The following ZNF148 variants were observed in gnomAD, a reference collection of about 807,000 sequenced individuals.
The protein encoded by ZNF148 is zinc finger protein 148, also known as Beta-Enolase Repressor Factor-1.
ZNF148 carries 7 observed loss-of-function variants against 67.7 expected under a neutral mutation model. The ratio of observed to expected loss-of-function variants is 0.10; its 90% CI spans 0.06 to 0.19. The LOEUF (loss-of-function observed/expected upper bound fraction) is 0.19, where lower values mean the gene tolerates loss of function less well. ZNF148 is among the 10% of genes least tolerant of loss of function. ZNF148 has a pLI of 1.00. For synonymous variants in ZNF148, 333 were observed against 330.7 expected, an observed-to-expected ratio of 1.01 and a Z score of -0.08; for missense variants, 583 against 947.1, an observed-to-expected ratio of 0.62 and a Z score of 5.05.
At chr3:125,293,951 A>T (rs1939152882) in intron 4 of ZNF148, among the ~76,000 whole-genome samples, 1 of 152,196 alleles carries the variant, frequency 6.6e-6, no homozygotes, top group South Asian at 2.1e-4. Flanking sequence ...TAAAGAAAAA[A>T]ACAGTAACTC....
At chr3:125,306,555 G>A (rs183202046) in intron 4 of ZNF148, among the ~76,000 whole-genome samples, 1 of 152,108 alleles carries the variant, frequency 6.6e-6, no homozygotes. Context: ...AAGAAAAAAT[G>A]TTTAGTATGA....
chr3:125,368,565 C>T (rs942798767), intron 1 of ZNF148, among the ~76,000 whole-genome samples: 3 of 152,220 alleles, frequency 2.0e-5, no homozygotes, highest in African/African-American at 7.2e-5. Flanking sequence ...TAACCTTCAG[C>T]ATTTCTAAAA....
At chr3:125,248,396 G>C (rs1305569409) in intron 7 of ZNF148, among the ~76,000 whole-genome samples, 1 of 152,016 alleles carries the variant, frequency 6.6e-6, no homozygotes, top group African/African-American at 2.4e-5. Context: ...AGCCCATAAT[G>C]GACTTACCAA....
chr3:125,246,506 C>G (rs1936604681), intron 7 of ZNF148, among the ~76,000 whole-genome samples: 1 of 84,012 alleles, frequency 1.2e-5, no homozygotes, highest in Non-Finnish European at 2.5e-5. Context: ...ATATTCTCAT[C>G]TGCAAAATGG....
intron 5 of ZNF148, 144 bp downstream of exon 5, chr3:125,287,959 C>A (rs1442570438): frequency 3.6e-6 from 4 of 1,110,322 alleles, no homozygotes; most frequent in Non-Finnish European, 5.1e-6. Context: ...AGGCCCACCA[C>A]CTCCATGCAG....
At chr3:125,250,388 C>T (rs1005531696) in intron 7 of ZNF148, among the ~76,000 whole-genome samples, 2 of 152,144 alleles carry the variant, frequency 1.3e-5, no homozygotes, top group African/African-American at 2.4e-5. Context: ...TGGGAATCAA[C>T]GCTGGCTGGC....
Position 125,232,571 on chromosome 3 carries a change from G to A in ZNF148, c.2155C>T (p.Pro719Ser). The A allele has an allele frequency of 6.2e-7, 1 of 1,613,790 alleles. No homozygotes were observed. Among genetic ancestry groups the A allele is most frequent in the South Asian group, 1.1e-5 (1 of 91,078 alleles). ...CTCATTTGGTAAGCTTGGTGGACAG[G>A]CTGGGCCTCAGCTTTCTTCTGAGAA... ...VTSQKKAEAQ[P>S]VHQAYQMSSF... is the part of the protein sequence containing the mutation. Residue 719 changes from proline to serine, a missense_variant, in exon 9 of 9, where the codon CCT (proline) becomes TCT (serine). Pro to Ser is a moderately conservative substitution (Grantham distance 74). This residue lies in a region of ZNF148 where 158 missense variants were observed against 208.4 expected (regional missense o/e 0.76). Coordinates refer to ENST00000360647, the MANE Select transcript of ZNF148 (RefSeq NM_021964.3). The surrounding 1 kb of genome is among the most constrained non-coding windows in gnomAD (Gnocchi z 4.2).
rs185201962 is a variant in ZNF148 at position 125,289,050 on chromosome 3, T to C, written c.334-822A>G. 5.3e-5 allele frequency among the ~76,000 whole-genome samples: 8 copies of C among 152,314 alleles called. No homozygotes were observed. The East Asian group carries it at 1.5e-3, about 29-fold the overall frequency. On this transcript the variant is annotated intron_variant, in intron 4 of 8. Transcript: ENST00000360647. ...CGTCAGTTCTCATCAGATTTGATGG[T>C]GTTCAGTCATCCCCTCCTCACTGCT...
chr3:125,237,766 G>C (rs1156829740), intron 7 of ZNF148, among the ~76,000 whole-genome samples: 1 of 152,096 alleles, frequency 6.6e-6, no homozygotes, highest in African/African-American at 2.4e-5. Context: ...TCCTCAAACT[G>C]ATCTACAGAT....
chr3:125,257,646 G>A (rs189151897), intron 7 of ZNF148, among the ~76,000 whole-genome samples: 2 of 150,806 alleles, frequency 1.3e-5, no homozygotes, highest in Admixed American at 1.3e-4. Context: ...GGTTATTTGT[G>A]GCAAATCCAC....
At chr3:125,372,890 C>A (rs371349713) in intron 1 of ZNF148, among the ~76,000 whole-genome samples, 1 of 151,936 alleles carries the variant, frequency 6.6e-6, no homozygotes, top group Admixed American at 6.6e-5. Context: ...TGCTTGAACC[C>A]GGGAGGTGGA....
At chr3:125,281,404 T>C (rs1938377019) in intron 5 of ZNF148, among the ~76,000 whole-genome samples, 1 of 152,210 alleles carries the variant, frequency 6.6e-6, no homozygotes, top group Admixed American at 6.5e-5. Flanking sequence ...AACAAAAAGA[T>C]GTTAAATACT....
chr3:125,341,846 T>G (rs919394119), intron 1 of ZNF148, among the ~76,000 whole-genome samples: 3 of 150,632 alleles, frequency 2.0e-5, no homozygotes, highest in Admixed American at 2.0e-4. Flanking sequence ...AATATAAAAA[T>G]TAGCCAGACA....
chr3:125,298,703 C>A (rs1049080157), intron 4 of ZNF148, among the ~76,000 whole-genome samples: 1 of 144,086 alleles, frequency 6.9e-6, no homozygotes. Context: ...CAGCTCACTG[C>A]AAGCCCCACC....
intron 4 of ZNF148, among the ~76,000 whole-genome samples, chr3:125,306,312 A>G (rs558686522): frequency 6.6e-6 from 1 of 152,298 alleles, no homozygotes; most frequent in South Asian, 2.1e-4. Flanking sequence ...AAAAATGAAC[A>G]AAAGTTAAAG....
chr3:125,261,048 G>C (rs1937312829), intron 7 of ZNF148, among the ~76,000 whole-genome samples: 1 of 152,116 alleles, frequency 6.6e-6, no homozygotes, highest in Non-Finnish European at 1.5e-5. Flanking sequence ...ATGGAAAGGA[G>C]AATGTATGAA....
At chr3:125,234,915 T>C (rs1298394312) in intron 7 of ZNF148, among the ~76,000 whole-genome samples, 3 of 152,208 alleles carry the variant, frequency 2.0e-5, no homozygotes, top group African/African-American at 7.2e-5. Flanking sequence ...GTATTGTTAA[T>C]TGGACACATA....
At position 125,367,575 on chromosome 3, in the gene ZNF148, A is replaced by C. The variant is rs530888219; in HGVS notation, c.-234+7527T>G. 4.6e-4 allele frequency among the ~76,000 whole-genome samples: 70 copies of C among 152,378 alleles called. 1 individual carries two copies. In the South Asian group the frequency reaches 0.014, roughly 30 times the overall value. ...AAAAGGCAGGTTATGAATAAATGAA[A>C]AAGAAACATAAAACATATAGACAAT... On this transcript the variant is annotated intron_variant, in intron 1 of 8. Coordinates refer to ENST00000360647, the MANE Select transcript of ZNF148 (RefSeq NM_021964.3).
chr3:125,288,377 C>A, intron 4 of ZNF148, 149 bp from the exon 5 acceptor site: 5 of 730,766 alleles, frequency 6.8e-6, no homozygotes, highest in Non-Finnish European at 1.1e-5. Flanking sequence ...ATATACAGTG[C>A]TATAGAATTC....
Sources: gnomAD v4.1 joint callset for allele counts (sites outside exome capture counted in the v4.1 genomes callset) on GRCh38, gnomAD v4.1.1 for gene constraint, gnomAD v4.1.1 regional missense constraint, Gnocchi (gnomAD v3.1) non-coding constraint, MANE v1.5 for transcripts, NCBI Gene and HGNC (gene_info 2026-07-23, HGNC 2026-07-21) for gene names.